The following MAP4K3 variants were observed in gnomAD, a reference collection of about 807,000 sequenced individuals.
MAP4K3 encodes mitogen-activated protein kinase kinase kinase kinase 3.
A neutral mutation model predicts 143.5 loss-of-function variants in MAP4K3; 94 were observed. The observed-to-expected ratio is 0.65, with a 90% confidence interval of 0.55 to 0.78. MAP4K3 has a LOEUF of 0.78. Among genes scored for constraint, MAP4K3 ranks in the 30% least tolerant of loss-of-function variants. The pLI, the probability that MAP4K3 is intolerant of heterozygous loss-of-function variation, is 0.00. For missense variants in MAP4K3, 1,077 were observed against 1,068.1 expected, an observed-to-expected ratio of 1.01 and a Z score of -0.12; for synonymous variants, 416 against 347.2, an observed-to-expected ratio of 1.20 and a Z score of -2.20.
intron 32 of MAP4K3, among the ~76,000 whole-genome samples, chr2:39,253,171 C>CGCCAGGCTGGAGTACAGTG (rs1680213201): frequency 6.6e-6 from 1 of 152,100 alleles, no homozygotes; most frequent in African/African-American, 2.4e-5. Flanking sequence ...CTTGTTCTGT[C>CGCCAGGCTGGAGTACAGTG]GCCAGGCTGG....
intron 4 of MAP4K3, among the ~76,000 whole-genome samples, chr2:39,340,363 G>A (rs1335156415): frequency 6.6e-6 from 1 of 152,172 alleles, no homozygotes; most frequent in Non-Finnish European, 1.5e-5. Flanking sequence ...AGTGAACACA[G>A]AGAAAGATAG....
At chr2:39,339,486 A>G (rs1247617045) in intron 4 of MAP4K3, among the ~76,000 whole-genome samples, 1 of 152,238 alleles carries the variant, frequency 6.6e-6, no homozygotes, top group Non-Finnish European at 1.5e-5. Flanking sequence ...TAAAACTGTG[A>G]AAGAATATTC....
At chr2:39,280,646 C>T (rs1014909202) in intron 22 of MAP4K3, among the ~76,000 whole-genome samples, 1 of 152,000 alleles carries the variant, frequency 6.6e-6, no homozygotes, top group African/African-American at 2.4e-5. Context: ...GGAACCAATT[C>T]TGCATAATAA....
At position 39,428,429 on chromosome 2, in the gene MAP4K3, T is replaced by C. The variant is rs539905325; in HGVS notation, c.96+8463A>G. ...TGGCTCACGCCTGTAATCCCAGCAC[T>C]TTGGGAGGCTGAGGCAGGTGATCAC... On this transcript the variant is annotated intron_variant, in intron 1 of 33. Transcript: ENST00000263881. Among the ~76,000 whole-genome samples, 3 of 151,552 alleles carry C rather than the reference T, an allele frequency of 2.0e-5. No individual in the cohort carries two copies. In the South Asian group the frequency reaches 6.3e-4, roughly 32 times the overall value.
rs755031659 is a variant in MAP4K3, at chr2:39,356,261, C to G, written c.233G>C (p.Gly78Ala). 6.3e-7 allele frequency: 1 copy of G among 1,593,024 alleles called. No homozygotes were observed. Among genetic ancestry groups the G allele is most frequent in the Non-Finnish European group, 8.6e-7 (1 of 1,167,750 alleles). Residue 78 changes from glycine to alanine, a missense_variant, in exon 3 of 34, where the codon GGA becomes GCA. By Grantham distance (60) the Gly-to-Ala change is moderately conservative. Around this residue, in one of 2 missense-constraint regions of MAP4K3, gnomAD observed 213 missense variants for 266.8 expected, o/e 0.80. Coordinates refer to ENST00000263881, the MANE Select transcript of MAP4K3 (RefSeq NM_003618.4). ...CKHPNIVAYF[G>A]SYLRRDKLWI... ...ACAAACAGTATACCTGAGATAGCTT[C>G]CAAAATAAGCAACAATATTTGGGTG... is the stretch of plus-strand genomic sequence containing the variant.
At chr2:39,260,805 A>G (rs754613603) in intron 28 of MAP4K3, 28 bp from the exon 29 acceptor site, 2 of 1,504,774 alleles carry the variant, frequency 1.3e-6, no homozygotes, top group East Asian at 2.3e-5. Flanking sequence ...AATACATTAA[A>G]CCAAGGAAAA....
intron 16 of MAP4K3, chr2:39,294,422 T>C (rs1470862502): frequency 6.6e-6 from 1 of 152,206 alleles, no homozygotes; most frequent in African/African-American, 2.4e-5. Flanking sequence ...AAGTCCTATT[T>C]TGGAGATACA....
At chr2:39,354,278 C>A (rs545581272) in intron 3 of MAP4K3, among the ~76,000 whole-genome samples, 4 of 152,042 alleles carry the variant, frequency 2.6e-5, no homozygotes, top group Admixed American at 6.6e-5. Flanking sequence ...CCCGTCTCTA[C>A]TAAAAATACA....
At chr2:39,419,469 G>A (rs1388034390) in intron 1 of MAP4K3, among the ~76,000 whole-genome samples, 4 of 151,960 alleles carry the variant, frequency 2.6e-5, no homozygotes, top group Non-Finnish European at 5.9e-5. Context: ...ATCATAGCGC[G>A]ATAGAAACAG....
intron 24 of MAP4K3, among the ~76,000 whole-genome samples, chr2:39,273,238 G>T (rs555515469): frequency 2.6e-5 from 4 of 152,236 alleles, no homozygotes; most frequent in African/African-American, 9.6e-5. Context: ...CGTATCAGTG[G>T]TTTTTAAATG....
chr2:39,388,290 T>A (rs1393479203), intron 1 of MAP4K3, among the ~76,000 whole-genome samples: 1 of 152,192 alleles, frequency 6.6e-6, no homozygotes, highest in Non-Finnish European at 1.5e-5. Context: ...GGAAATAAGT[T>A]AGACTAGATA....
At chr2:39,340,513 C>T (rs1022990206) in intron 4 of MAP4K3, among the ~76,000 whole-genome samples, 5 of 152,164 alleles carry the variant, frequency 3.3e-5, no homozygotes, top group African/African-American at 1.2e-4. Context: ...ATTCATATTA[C>T]TTTGTTACTT....
intron 28 of MAP4K3, among the ~76,000 whole-genome samples, chr2:39,262,385 G>A (rs1409028155): frequency 6.6e-6 from 1 of 151,992 alleles, no homozygotes; most frequent in Non-Finnish European, 1.5e-5. Context: ...TCTTCTCTAG[G>A]AGCTTTCCCA....
At chr2:39,417,852 G>A (rs1667427708) in intron 1 of MAP4K3, among the ~76,000 whole-genome samples, 2 of 152,182 alleles carry the variant, frequency 1.3e-5, no homozygotes, top group Admixed American at 1.3e-4. Flanking sequence ...TCAGGCTAGG[G>A]CAGAGAAATA....
rs183476012 is a variant in MAP4K3 at position 39,274,248 on chromosome 2, G to A, written c.1795-1706C>T. Among the ~76,000 whole-genome samples, 263 of 145,012 alleles carry A rather than the reference G, an allele frequency of 1.8e-3. 6 individuals carry two copies. The East Asian group carries it at 0.025, about 14-fold the overall frequency. On this transcript the variant is annotated intron_variant, in intron 24 of 33. Transcript: ENST00000263881. ...TTTTTTTTTTTTGAGATGGAGTCTC[G>A]CTGTGTTGCCCAGGCTGGAGTGCAG... is the stretch of plus-strand genomic sequence containing the variant.
At chr2:39,423,310 T>G (rs1348642993) in intron 1 of MAP4K3, among the ~76,000 whole-genome samples, 1 of 152,190 alleles carries the variant, frequency 6.6e-6, no homozygotes, top group Non-Finnish European at 1.5e-5. Context: ...TCTCATTCAT[T>G]GCTGTTAGAA....
intron 1 of MAP4K3, 39 bp from the exon 2 acceptor site, chr2:39,378,162 C>T: frequency 8.3e-7 from 1 of 1,208,804 alleles, no homozygotes; most frequent in Non-Finnish European, 1.2e-6. Context: ...GTGAAGAAAG[C>T]TTTCATAAAA....
chr2:39,331,380 A>C (rs965453968), intron 8 of MAP4K3, among the ~76,000 whole-genome samples: 12 of 152,156 alleles, frequency 7.9e-5, no homozygotes, highest in Admixed American at 6.5e-4. Flanking sequence ...CTAACAGACA[A>C]ACATGGCTAG....
intron 1 of MAP4K3, among the ~76,000 whole-genome samples, chr2:39,384,264 A>C (rs1374589035): frequency 6.6e-6 from 1 of 151,986 alleles, no homozygotes; most frequent in Admixed American, 6.6e-5. Flanking sequence ...TGGTGGCTCA[A>C]GCCGGGCGTC....
Sources: gnomAD v4.1 joint callset for allele counts (sites outside exome capture counted in the v4.1 genomes callset) on GRCh38, gnomAD v4.1.1 for gene constraint, gnomAD v4.1.1 regional missense constraint, MANE v1.5 for transcripts, NCBI Gene and HGNC (gene_info 2026-07-23, HGNC 2026-07-21) for gene names.